The following COL22A1 variants were observed in gnomAD, a reference collection of about 807,000 sequenced individuals.
COL22A1 encodes the protein collagen alpha-1(XXII) chain.
COL22A1 carries 221 observed loss-of-function variants against 248.9 expected under a neutral mutation model. The ratio of observed to expected loss-of-function variants is 0.89; its 90% confidence interval spans 0.80 to 0.99. The LOEUF is 0.99. COL22A1 is among the 50% of genes least tolerant of loss of function. COL22A1 has a pLI of 0.00. For missense variants in COL22A1, 2,240 were observed against 2,179.0 expected (o/e 1.03, Z -0.56); for synonymous variants, 891 against 793.4 (o/e 1.12, Z -2.07).
chr8:138,845,354 C>T (rs1211831156), intron 3 of COL22A1, among the ~76,000 whole-genome samples: 2 of 151,652 alleles, frequency 1.3e-5, no homozygotes, highest in Non-Finnish European at 2.9e-5. Context: ...ACTAATAATA[C>T]AAAAATGAGT....
chr8:138,603,059 T>G (rs1033142911), intron 59 of COL22A1, among the ~76,000 whole-genome samples: 6 of 152,198 alleles, frequency 3.9e-5, no homozygotes, highest in African/African-American at 1.4e-4. Flanking sequence ...AGACTCTACA[T>G]TGATTAAAGA....
chr8:138,855,706 G>C (rs1429269877), intron 3 of COL22A1, among the ~76,000 whole-genome samples: 1 of 152,212 alleles, frequency 6.6e-6, no homozygotes, highest in Non-Finnish European at 1.5e-5. Context: ...TGCCCGGAAA[G>C]GATTTTATGA....
chr8:138,755,071 C>T, intron 21 of COL22A1, 86 bp downstream of exon 21: 2 of 1,351,964 alleles, frequency 1.5e-6, no homozygotes, highest in African/African-American at 1.4e-5. Flanking sequence ...ATGCCATGCT[C>T]AGCGCCGGGA....
chr8:138,838,008 C>G (rs902319920), intron 4 of COL22A1, among the ~76,000 whole-genome samples: 2 of 151,978 alleles, frequency 1.3e-5, no homozygotes, highest in Non-Finnish European at 2.9e-5. Flanking sequence ...GAGGTGGGAG[C>G]TGGGGGAGGG....
At chr8:138,849,554 C>T (rs1821481737) in intron 3 of COL22A1, among the ~76,000 whole-genome samples, 1 of 152,240 alleles carries the variant, frequency 6.6e-6, no homozygotes, top group African/African-American at 2.4e-5. Context: ...ATGATGCAGC[C>T]TCTCCAAGGG....
chr8:138,711,095 GC>G (rs1828927247), intron 30 of COL22A1, among the ~76,000 whole-genome samples: 1 of 152,154 alleles, frequency 6.6e-6, no homozygotes, highest in Non-Finnish European at 1.5e-5. Flanking sequence ...GGGGCTCTCT[GC>G]CTTTGGAAAA....
chr8:138,646,473 T>G (rs1451608789), intron 47 of COL22A1, among the ~76,000 whole-genome samples, 156 bp downstream of exon 47: 1 of 152,212 alleles, frequency 6.6e-6, no homozygotes, highest in African/African-American at 2.4e-5. Flanking sequence ...CTGCCCATGG[T>G]CAATAGGATA....
chr8:138,841,545 C>A (rs1453310432), intron 4 of COL22A1, among the ~76,000 whole-genome samples: 3 of 152,066 alleles, frequency 2.0e-5, no homozygotes, highest in Non-Finnish European at 4.4e-5. Flanking sequence ...AGTACTGCAT[C>A]TTTGGGGGCT....
chr8:138,703,497 T>A, intron 30 of COL22A1, 150 bp from the exon 31 acceptor site: 1 of 634,928 alleles, frequency 1.6e-6, no homozygotes, highest in African/African-American at 1.8e-5. Context: ...CCTACCTTGA[T>A]AGATACATAC....
chr8:138,651,848 G>C (rs1156841690), intron 45 of COL22A1, among the ~76,000 whole-genome samples: 2 of 152,110 alleles, frequency 1.3e-5, no homozygotes, highest in Non-Finnish European at 2.9e-5. Context: ...TCTTTGCAGT[G>C]GGATCCATAA....
intron 3 of COL22A1, among the ~76,000 whole-genome samples, chr8:138,874,541 G>C (rs1823566014): frequency 6.6e-6 from 1 of 152,138 alleles, no homozygotes; most frequent in African/African-American, 2.4e-5. Flanking sequence ...ACCTACTGTA[G>C]TCCAGTGAGA....
At chr8:138,637,547 A>G (rs1821301563) in intron 47 of COL22A1, among the ~76,000 whole-genome samples, 1 of 152,236 alleles carries the variant, frequency 6.6e-6, no homozygotes, top group Non-Finnish European at 1.5e-5. Context: ...CTTGGCATAG[A>G]GCCCAGAACA....
chr8:138,770,830 AG>A (rs1024343390), intron 16 of COL22A1, among the ~76,000 whole-genome samples: 5 of 152,112 alleles, frequency 3.3e-5, no homozygotes, highest in Admixed American at 6.5e-5. Flanking sequence ...GGCAGTGCAA[AG>A]CTGACCTTCA....
chr8:138,742,090 G>A (rs376842520), intron 22 of COL22A1, among the ~76,000 whole-genome samples: 1 of 151,876 alleles, frequency 6.6e-6, no homozygotes, highest in African/African-American at 2.4e-5. Context: ...TGATGGTGAT[G>A]ATAGTAGCCA....
intron 35 of COL22A1, among the ~76,000 whole-genome samples, chr8:138,692,427 G>A (rs1223415719): frequency 2.2e-4 from 33 of 151,382 alleles, no homozygotes; most frequent in African/African-American, 6.6e-4. Context: ...GTGCACGTAC[G>A]TGTGTGCATG....
At chr8:138,668,144 T>G (rs1824675366) in intron 41 of COL22A1, among the ~76,000 whole-genome samples, 1 of 152,176 alleles carries the variant, frequency 6.6e-6, no homozygotes, top group Admixed American at 6.5e-5. Context: ...TGTTATGGAT[T>G]TTTAAGGGGT....
chr8:138,800,464 A>G (rs540438211), intron 11 of COL22A1, among the ~76,000 whole-genome samples: 5 of 152,330 alleles, frequency 3.3e-5, no homozygotes, highest in Admixed American at 3.3e-4. Context: ...TTTCAGAAGT[A>G]GAACCACTAC....
At position 138,591,435 on chromosome 8, in the gene COL22A1, G is replaced by A. The variant is rs756272897; in HGVS notation, c.4682C>T (p.Pro1561Leu). 6.3e-7 allele frequency: 1 copy of A among 1,579,668 alleles called. No homozygotes were observed. The highest frequency in any genetic ancestry group is 1.4e-5 in the African/African-American group (1 of 73,580). The change falls in exon 64 of 65, where the codon CCT becomes CTT. Residue 1561 changes from proline to leucine, a missense_variant. Physicochemically the swap from Pro to Leu is moderately conservative, Grantham distance 98 (BLOSUM62 -3). Transcript: ENST00000303045. ...GVGLRGEMGP[P>L]GIPGQPGEPG... ...AGAATGAGTCATACCTGGGATTCCA[G>A]GGGGTCCCATCTCGCCTCGGAGGCC...
chr8:138,773,996 C>T (rs1336458541), intron 16 of COL22A1, among the ~76,000 whole-genome samples: 1 of 152,198 alleles, frequency 6.6e-6, no homozygotes, highest in African/African-American at 2.4e-5. Context: ...CACAGCAACT[C>T]ACGCTCCTGT....
Sources: gnomAD v4.1 joint callset for allele counts (sites outside exome capture counted in the v4.1 genomes callset) on GRCh38, gnomAD v4.1.1 for gene constraint, MANE v1.5 for transcripts, NCBI Gene and HGNC (gene_info 2026-07-23, HGNC 2026-07-21) for gene names.